The following MAML2 variants were observed in gnomAD, a reference collection of about 807,000 sequenced individuals.
MAML2 encodes mastermind like transcriptional coactivator 2, also known as mastermind-like protein 2.
In MAML2, 22 loss-of-function variants were observed where a neutral mutation model predicts 96.1. The ratio of observed to expected loss-of-function variants is 0.23; its 90% CI spans 0.16 to 0.33. The LOEUF is 0.33. MAML2 is among the 10% of genes least tolerant of loss of function. The pLI is 1.00. For missense variants in MAML2, 1,367 were observed against 1,392.4 expected (o/e 0.98, Z 0.29); for synonymous variants, 561 against 521.3 (o/e 1.08, Z -1.04).
At chr11:96,151,757 T>C (rs1307294576) in intron 1 of MAML2, among the ~76,000 whole-genome samples, 2 of 152,224 alleles carry the variant, frequency 1.3e-5, no homozygotes, top group Non-Finnish European at 2.9e-5. Flanking sequence ...CCAGAGCAGA[T>C]GCTGCCATGC....
intron 1 of MAML2, among the ~76,000 whole-genome samples, chr11:96,272,837 C>T (rs1472196733): frequency 6.6e-6 from 1 of 152,188 alleles, no homozygotes; most frequent in African/African-American, 2.4e-5. Context: ...CTTTGTGCTA[C>T]AATCTGGGTC....
rs1391987568 is a variant in MAML2 at position 96,092,891 on chromosome 11, A to T, written c.1140T>A (p.Pro380=). 1.2e-6 allele frequency: 2 copies of T among 1,605,590 alleles called. No homozygotes were observed. The highest frequency in any genetic ancestry group is 1.7e-5 in the Admixed American group (1 of 59,420). ...PGLTQGPSGS[P]QLRPPSAGPA... is the part of the protein sequence containing the mutation. ...GGCCAGCTGATGGGGGCCTCAGCTG[A>T]GGAGAGCCTGAGGGGCCCTGAGTCA... The change falls in exon 2 of 5, where the codon CCT becomes CCA. Residue 380 remains proline (P), a synonymous_variant. Coordinates refer to ENST00000524717, the MANE Select transcript of MAML2 (RefSeq NM_032427.4). The surrounding 1 kb of genome is among the most constrained non-coding windows in gnomAD (Gnocchi z 4.1).
intron 1 of MAML2, among the ~76,000 whole-genome samples, chr11:96,121,993 G>A (rs1237320531): frequency 2.5e-5 from 2 of 80,048 alleles, no homozygotes; most frequent in Non-Finnish European, 5.0e-5. Flanking sequence ...GTATTTTTTA[G>A]TAGAGACGGG....
intron 1 of MAML2, among the ~76,000 whole-genome samples, chr11:96,146,366 TAC>T (rs1860819919): frequency 6.6e-6 from 1 of 152,212 alleles, no homozygotes; most frequent in South Asian, 2.1e-4. Context: ...ATGTACTCAC[TAC>T]TTGCTCATAG....
At chr11:96,198,926 G>A (rs144602121) in intron 1 of MAML2, among the ~76,000 whole-genome samples, 2,364 of 151,964 alleles carry the variant, frequency 0.016, 36 homozygotes, top group Middle Eastern at 0.024. Flanking sequence ...GGCTGGGTGC[G>A]GTGGCTCACG....
chr11:96,106,995 A>ATTTTTTTTTTTTTTTC (rs1860034326), intron 1 of MAML2, among the ~76,000 whole-genome samples: 1 of 7,762 alleles, frequency 1.3e-4, no homozygotes, highest in African/African-American at 4.3e-4. Context: ...TTTTTTTTTG[A>ATTTTTTTTTTTTTTTC]CCAGTGTATT....
At chr11:96,238,152 TTAGTTGGGG>T in intron 1 of MAML2, among the ~76,000 whole-genome samples, 1 of 152,210 alleles carries the variant, frequency 6.6e-6, no homozygotes, top group South Asian at 2.1e-4. Context: ...CTTTAGTTGT[TTAGTTGGGG>T]GTTTCATTAA....
intron 1 of MAML2, among the ~76,000 whole-genome samples, chr11:96,318,295 C>A (rs941823798): frequency 6.6e-6 from 1 of 152,176 alleles, no homozygotes; most frequent in African/African-American, 2.4e-5. Flanking sequence ...AGTCAAGCAA[C>A]ATGCCCAAGG....
chr11:96,075,067 C>T (rs987698975), intron 2 of MAML2, among the ~76,000 whole-genome samples: 19 of 152,166 alleles, frequency 1.2e-4, no homozygotes, highest in African/African-American at 3.9e-4. Flanking sequence ...AATGCAAATC[C>T]AATTATGTAT....
chr11:96,251,876 C>T (rs1043878129), intron 1 of MAML2, among the ~76,000 whole-genome samples: 13 of 152,092 alleles, frequency 8.5e-5, no homozygotes, highest in South Asian at 2.1e-4. Context: ...GGACTACAGG[C>T]GCCGGCCACC....
intron 1 of MAML2, among the ~76,000 whole-genome samples, chr11:96,146,346 G>C (rs142817589): frequency 0.01 from 1,545 of 152,310 alleles, 18 homozygotes; most frequent in Admixed American, 0.022. Context: ...CTCAGGGCCA[G>C]TCTGGCTATA....
chr11:96,125,657 T>A (rs968930772), intron 1 of MAML2, among the ~76,000 whole-genome samples: 2 of 152,290 alleles, frequency 1.3e-5, no homozygotes, highest in Admixed American at 1.3e-4. Flanking sequence ...TTATTTATGA[T>A]CCAAGCAGCT....
At chr11:96,184,340 T>A (rs1284341201) in intron 1 of MAML2, among the ~76,000 whole-genome samples, 1 of 151,906 alleles carries the variant, frequency 6.6e-6, no homozygotes, top group East Asian at 1.9e-4. Context: ...CTCAGGAGGC[T>A]GAGGCAGGAG....
intron 1 of MAML2, among the ~76,000 whole-genome samples, chr11:96,193,859 G>T (rs899082093): frequency 1.3e-5 from 2 of 152,212 alleles, no homozygotes; most frequent in East Asian, 3.8e-4. Context: ...CATATCAAAA[G>T]TAGCTGACAA....
chr11:96,151,322 T>G (rs1462512376), intron 1 of MAML2, among the ~76,000 whole-genome samples: 2 of 152,260 alleles, frequency 1.3e-5, no homozygotes, highest in African/African-American at 4.8e-5. Flanking sequence ...CTCCCATCAT[T>G]GGGCATCCAA....
At chr11:96,085,796 T>C (rs1459240340) in intron 2 of MAML2, among the ~76,000 whole-genome samples, 1 of 147,682 alleles carries the variant, frequency 6.8e-6, no homozygotes, top group African/African-American at 2.5e-5. Flanking sequence ...TGTATTATGA[T>C]CCCAAGGCTA....
chr11:96,051,235 A>G (rs1385218337), intron 2 of MAML2, among the ~76,000 whole-genome samples: 1 of 152,212 alleles, frequency 6.6e-6, no homozygotes, highest in Admixed American at 6.5e-5. Context: ...GTGGCAGATA[A>G]AACATATATT....
chr11:96,332,486 C>G (rs1449356141), intron 1 of MAML2, among the ~76,000 whole-genome samples: 3 of 152,198 alleles, frequency 2.0e-5, no homozygotes, highest in Non-Finnish European at 2.9e-5. Context: ...AAAGGAAGCT[C>G]TCTTTGGTGC....
At chr11:96,077,282 GC>G (rs1379134440) in intron 2 of MAML2, among the ~76,000 whole-genome samples, 4 of 138,208 alleles carry the variant, frequency 2.9e-5, no homozygotes, top group African/African-American at 8.2e-5. Flanking sequence ...GTGCAGTGGT[GC>G]GATCTAGGCT....
Sources: allele counts gnomAD v4.1 joint callset (sites outside exome capture counted in the v4.1 genomes callset), GRCh38; gene constraint gnomAD v4.1.1; non-coding constraint Gnocchi (gnomAD v3.1); transcripts MANE v1.5; gene names NCBI Gene and HGNC (gene_info 2026-07-23, HGNC 2026-07-21).